The following OCIAD2 variants were observed in gnomAD, a reference collection of about 807,000 sequenced individuals.
OCIAD2 encodes the protein OCIA domain-containing protein 2.
OCIAD2 carries 29 observed loss-of-function variants against 22.9 expected under a neutral mutation model. The ratio of observed to expected loss-of-function variants is 1.27; its 90% CI spans 0.94 to 1.73. The LOEUF (loss-of-function observed/expected upper bound fraction) is 1.73. OCIAD2 is among the 40% of genes most tolerant of loss of function. The pLI is 0.00. For missense variants in OCIAD2, 189 were observed against 180.3 expected (o/e 1.05, Z -0.28); for synonymous variants, 67 against 60.2 (o/e 1.11, Z -0.52).
chr4:48,896,347 T>A (rs1781301116), intron 4 of OCIAD2, among the ~76,000 whole-genome samples: 1 of 151,406 alleles, frequency 6.6e-6, no homozygotes, highest in Admixed American at 6.6e-5. Context: ...CCCAGCACTT[T>A]GGGAGGCTGA....
At chr4:48,904,299 A>T (rs560296231) in intron 2 of OCIAD2, among the ~76,000 whole-genome samples, 185 bp downstream of exon 2, 46 of 152,188 alleles carry the variant, frequency 3.0e-4, no homozygotes, top group African/African-American at 1.0e-3. Context: ...CCACAAAAAA[A>T]ATTAGCCAGG....
intron 3 of OCIAD2, among the ~76,000 whole-genome samples, chr4:48,899,198 G>A (rs568245676): frequency 3.9e-5 from 6 of 152,112 alleles, no homozygotes; most frequent in African/African-American, 1.4e-4. Context: ...TGTATCTACA[G>A]GTTCTACTCT....
chr4:48,887,026 A>C (rs374786639), intron 6 of OCIAD2, among the ~76,000 whole-genome samples: 10 of 152,046 alleles, frequency 6.6e-5, no homozygotes, highest in African/African-American at 2.2e-4. Context: ...TTTTAATGAT[A>C]GCCATTCTAA....
intron 6 of OCIAD2, 99 bp downstream of exon 6, chr4:48,892,673 G>T: frequency 1.7e-6 from 1 of 605,324 alleles, no homozygotes; most frequent in Non-Finnish European, 2.7e-6. Context: ...TTTTACATGT[G>T]AATTTAAAAA....
rs377324569 is a variant in OCIAD2, at chr4:48,885,526, A to G, written c.423T>C (p.His141=). ...GAGAGTCTCCCTTCTCACTTAATCCATGCTTTATTTTGCATTCCTCACAGG... is the reference window on the plus strand; with the variant it reads ...GAGAGTCTCCCTTCTCACTTAATCCGTGCTTTATTTTGCATTCCTCACAGG... ...LLTCEECKIK[H]GLSEKGDSQP... is the part of the protein sequence containing the mutation. Residue 141 remains histidine (H), a synonymous_variant, in exon 7 of 7, where the codon CAT becomes CAC. Coordinates refer to ENST00000508632, the MANE Select transcript of OCIAD2 (RefSeq NM_001014446.3). 2.4e-4 allele frequency: 393 copies of G among 1,611,780 alleles called. No individual in the cohort carries two copies. The highest frequency in any genetic ancestry group is 3.1e-4 in the Non-Finnish European group (361 of 1,177,944).
At position 48,893,920 on chromosome 4, in the gene OCIAD2, A is replaced by T. The variant is rs1459938001; in HGVS notation, c.265+86T>A. 3 of 693,848 alleles carry T rather than the reference A, an allele frequency of 4.3e-6. No individual in the cohort carries two copies. In the Admixed American group the frequency reaches 8.4e-5, roughly 19 times the overall value. 43.0% of individuals were successfully genotyped at this position (693,848 alleles called of 1,614,324 possible). A position where few individuals can be genotyped will look rare whatever the true frequency, so the allele number is the denominator to read the frequency against. On this transcript the variant is annotated intron_variant, in intron 5 of 6. Coordinates refer to ENST00000508632, the MANE Select transcript of OCIAD2 (RefSeq NM_001014446.3). ...TGGTCTCGAACTCCTGGACTCAAGC[A>T]ATCTACCCACCTCAGCCTCCCAAAG...
In OCIAD2 at chr4:48,899,754, C is replaced by T. The variant is rs1350147998; in HGVS notation, c.163+75G>A. On this transcript the variant is annotated intron_variant, in intron 3 of 6. Coordinates refer to ENST00000508632, the MANE Select transcript of OCIAD2 (RefSeq NM_001014446.3). ...TATTTATGCAAAGTCTCTGCTCAAA[C>T]GTAAGTCATTACCACAATTCTAATA... 9.0e-6 allele frequency: 9 copies of T among 1,000,210 alleles called. No homozygotes were observed. In the Admixed American group the frequency reaches 1.2e-4, roughly 13 times the overall value. The allele number at this position is 1,000,210 out of a possible 1,614,324, so 62.0% of individuals were successfully genotyped here. A position where few individuals can be genotyped will look rare whatever the true frequency, so the allele number is the denominator to read the frequency against.
At position 48,891,621 on chromosome 4, in the gene OCIAD2, T is replaced by TGAAGAG. The variant is rs773142831; in HGVS notation, c.383+1145_383+1150dup. ...TAATTGCAAAAGACACTCCTGAAAT[T>TGAAGAG]GAAGAGGAAGAGGAAGAGGAAGCAG... is the stretch of plus-strand genomic sequence containing the variant. On this transcript the variant is annotated intron_variant, in intron 6 of 6. Transcript: ENST00000508632. Among the ~76,000 whole-genome samples, 34 of 152,208 alleles carry TGAAGAG rather than the reference T, an allele frequency of 2.2e-4. 1 individual carries two copies. Among genetic ancestry groups the TGAAGAG allele is most frequent in the Admixed American group, 8.5e-4 (13 of 15,282 alleles).
At chr4:48,905,605 G>A (rs1781508080) in intron 1 of OCIAD2, among the ~76,000 whole-genome samples, 1 of 152,076 alleles carries the variant, frequency 6.6e-6, no homozygotes, top group Admixed American at 6.5e-5. Context: ...TGCCCCCAGT[G>A]GCCACTGCAT....
chr4:48,885,544 C>T lies in OCIAD2; in HGVS notation c.405G>A (p.Glu135=), dbSNP rs761219128. ...QHNRHCLLTC[E]ECKIKHGLSE... is the part of the protein sequence containing the mutation. The stretch of plus-strand genomic sequence containing the variant: ...TTAATCCATGCTTTATTTTGCATTC[C>T]TCACAGGTAAGGAGGCAGTGCCTAG... Residue 135 remains glutamate, a synonymous_variant, in exon 7 of 7, where the codon GAG becomes GAA. Transcript: ENST00000508632. The T allele has an allele frequency of 6.2e-6, 10 of 1,609,178 alleles. No individual in the cohort carries two copies. The South Asian group carries it at 7.7e-5, about 12-fold the overall frequency.
chr4:48,903,640 T>G (rs1244660285), intron 2 of OCIAD2, among the ~76,000 whole-genome samples: 1 of 150,478 alleles, frequency 6.6e-6, no homozygotes, highest in African/African-American at 2.4e-5. Context: ...AAAGGGTTTT[T>G]TTTTTTTTTT....
Position 48,897,427 on chromosome 4 carries a change from G to T in OCIAD2, c.217+377C>A, listed in dbSNP as rs58809181. Among the ~76,000 whole-genome samples the T allele has an allele frequency of 2.3e-3, 357 of 152,148 alleles. 1 individual carries two copies. Among genetic ancestry groups the T allele is most frequent in the African/African-American group, 8.3e-3 (344 of 41,504 alleles). ...TTCCTCCATCTTCAAGGCCAACAAT[G>T]TTGAGCTGAGGCCTCACATTGCCGC... On this transcript the variant is annotated intron_variant, in intron 4 of 6. Transcript: ENST00000508632.
chr4:48,893,984 CT>C, intron 5 of OCIAD2, 21 bp downstream of exon 5: 4 of 1,486,596 alleles, frequency 2.7e-6, no homozygotes, highest in Admixed American at 2.1e-5. Context: ...ACTTGGCTTG[CT>C]TTTTTATTTC....
chr4:48,891,937 A>G (rs1221830288), intron 6 of OCIAD2, among the ~76,000 whole-genome samples: 1 of 152,234 alleles, frequency 6.6e-6, no homozygotes, highest in Non-Finnish European at 1.5e-5. Context: ...CATGCAGCTC[A>G]TCAGAAAGAG....
intron 5 of OCIAD2, 40 bp downstream of exon 5, chr4:48,893,966 G>A (rs1432665782): frequency 7.3e-7 from 1 of 1,371,192 alleles, no homozygotes; most frequent in South Asian, 1.6e-5. Context: ...ACAGATGTGA[G>A]CCACCACACT....
At chr4:48,904,224 G>T (rs1273678468) in intron 2 of OCIAD2, among the ~76,000 whole-genome samples, 1 of 152,122 alleles carries the variant, frequency 6.6e-6, no homozygotes, top group South Asian at 2.1e-4. Context: ...GGCCTAGATA[G>T]GAGGATTAAT....
chr4:48,904,810 G>A (rs546046201), intron 1 of OCIAD2, among the ~76,000 whole-genome samples, 199 bp from the exon 2 acceptor site: 26 of 152,262 alleles, frequency 1.7e-4, no homozygotes, highest in African/African-American at 5.8e-4. Context: ...ATCAGATTTA[G>A]AATAGAGTGG....
At chr4:48,887,334 T>TGCTGTGC (rs1781019689) in intron 6 of OCIAD2, among the ~76,000 whole-genome samples, 1 of 152,212 alleles carries the variant, frequency 6.6e-6, no homozygotes, top group Non-Finnish European at 1.5e-5. Flanking sequence ...AGAAGCTCTT[T>TGCTGTGC]AGTTTAATTA....
chr4:48,898,543 CTCTCCAGTTGGCCCAAT>C (rs1781349798), intron 3 of OCIAD2, among the ~76,000 whole-genome samples: 1 of 152,164 alleles, frequency 6.6e-6, no homozygotes, highest in African/African-American at 2.4e-5. Flanking sequence ...TTATTCAAAT[CTCTCCAGTTGGCCCAAT>C]AGCTGTGGGT....
Sources: gnomAD v4.1 joint callset for allele counts (sites outside exome capture counted in the v4.1 genomes callset) on GRCh38, gnomAD v4.1.1 for gene constraint, MANE v1.5 for transcripts, NCBI Gene and HGNC (gene_info 2026-07-23, HGNC 2026-07-21) for gene names.